DNM3: variants seen among roughly 807,000 people sequenced by gnomAD.
DNM3 encodes dynamin-3.
A neutral mutation model predicts 101.6 loss-of-function variants in DNM3; 47 were observed. That is an observed-to-expected ratio of 0.46 (90% confidence interval 0.37 to 0.59). The LOEUF (loss-of-function observed/expected upper bound fraction) is 0.59. DNM3 is among the 20% of genes least tolerant of loss of function. DNM3 has a pLI of 0.00. For synonymous variants in DNM3, 385 were observed against 387.9 expected, an observed-to-expected ratio of 0.99 and a Z score of 0.09; for missense variants, 849 against 1,085.7, an observed-to-expected ratio of 0.78 and a Z score of 3.06.
chr1:172,115,347 T>C (rs2055813862), intron 13 of DNM3, among the ~76,000 whole-genome samples: 1 of 152,140 alleles, frequency 6.6e-6, no homozygotes, highest in Non-Finnish European at 1.5e-5. Flanking sequence ...CAAAGCTCCA[T>C]CATCTCTCAC....
intron 2 of DNM3, among the ~76,000 whole-genome samples, chr1:171,956,783 C>T (rs1361163151): frequency 6.6e-6 from 1 of 152,216 alleles, no homozygotes; most frequent in East Asian, 1.9e-4. Flanking sequence ...CATTTCCATA[C>T]ATCCTCTGAA....
chr1:171,978,240 C>T (rs1313581441), intron 2 of DNM3, among the ~76,000 whole-genome samples: 1 of 151,844 alleles, frequency 6.6e-6, no homozygotes, highest in Non-Finnish European at 1.5e-5. Context: ...ACCATGTGCA[C>T]CGAAGAAAAA....
intron 13 of DNM3, among the ~76,000 whole-genome samples, chr1:172,125,771 A>T (rs1256632072): frequency 6.6e-6 from 1 of 152,222 alleles, no homozygotes; most frequent in Non-Finnish European, 1.5e-5. Flanking sequence ...TTGATATTCA[A>T]ATACTAAGAA....
intron 2 of DNM3, among the ~76,000 whole-genome samples, chr1:171,931,771 C>T (rs1367837433): frequency 6.6e-6 from 1 of 152,152 alleles, no homozygotes; most frequent in Admixed American, 6.5e-5. Context: ...CTTTAAATAT[C>T]TCACCTGGCA....
intron 14 of DNM3, among the ~76,000 whole-genome samples, chr1:172,218,441 G>A (rs1434328771): frequency 2.0e-5 from 3 of 151,870 alleles, no homozygotes; most frequent in East Asian, 3.9e-4. Context: ...GGTAATTTGT[G>A]GTTTCACTGT....
chr1:171,953,637 C>A (rs145603894), intron 2 of DNM3, among the ~76,000 whole-genome samples: 2 of 151,924 alleles, frequency 1.3e-5, no homozygotes, highest in African/African-American at 2.4e-5. Context: ...CCATATTGGC[C>A]AGGCTTGTCT....
At chr1:172,110,969 G>A (rs916680647) in intron 13 of DNM3, among the ~76,000 whole-genome samples, 1 of 152,184 alleles carries the variant, frequency 6.6e-6, no homozygotes, top group Non-Finnish European at 1.5e-5. Flanking sequence ...CGGGGAGATC[G>A]AGGTTGCAGT....
chr1:171,923,312 A>G (rs1400363978), intron 2 of DNM3, among the ~76,000 whole-genome samples: 1 of 152,186 alleles, frequency 6.6e-6, no homozygotes, highest in East Asian at 1.9e-4. Flanking sequence ...TGTATATATT[A>G]TTTAGATAAA....
intron 4 of DNM3, among the ~76,000 whole-genome samples, chr1:171,996,669 A>G (rs2046016251): frequency 1.3e-5 from 2 of 152,156 alleles, no homozygotes; most frequent in African/African-American, 4.8e-5. Flanking sequence ...AATCTCTAAA[A>G]TGAAATGAAA....
chr1:172,415,750 G>T (rs1047160903), downstream of DNM3, among the ~76,000 whole-genome samples: 1 of 151,826 alleles, frequency 6.6e-6, no homozygotes, highest in African/African-American at 2.4e-5. Context: ...GGCTGGTCTC[G>T]AACTCCTGAC....
chr1:171,947,246 G>A (rs1041383548), intron 2 of DNM3, among the ~76,000 whole-genome samples: 2 of 152,118 alleles, frequency 1.3e-5, no homozygotes, highest in Admixed American at 6.6e-5. Context: ...AGTGGGGGTT[G>A]GGGGCTGTCT....
intron 4 of DNM3, among the ~76,000 whole-genome samples, chr1:172,019,942 A>G (rs1173687377): frequency 6.6e-6 from 1 of 151,692 alleles, no homozygotes; most frequent in Non-Finnish European, 1.5e-5. Flanking sequence ...TCCCAGTCTG[A>G]TAACTCTAAC....
rs529816212 is a variant in DNM3 at position 172,289,070 on chromosome 1, A to G, written c.1770-19658A>G. Among the ~76,000 whole-genome samples the G allele has an allele frequency of 1.2e-4, 19 of 152,230 alleles. No homozygotes were observed. The South Asian group carries it at 3.7e-3, about 30-fold the overall frequency. ...TATATTGAAAAGTTTGTTCCTTTTAATACTAGCCCCAGGAGAAGCTCAAGG... is the reference window on the plus strand; with the variant it reads ...TATATTGAAAAGTTTGTTCCTTTTAGTACTAGCCCCAGGAGAAGCTCAAGG... On this transcript the variant is annotated intron_variant, in intron 15 of 20. Transcript: ENST00000627582.
At chr1:172,354,971 G>A (rs116331902) in intron 17 of DNM3, among the ~76,000 whole-genome samples, 12 of 152,270 alleles carry the variant, frequency 7.9e-5, no homozygotes, top group Non-Finnish European at 1.2e-4. Flanking sequence ...AATGAGGAAA[G>A]TTATTTGTCT....
intron 14 of DNM3, among the ~76,000 whole-genome samples, chr1:172,163,859 T>A (rs949533187): frequency 2.0e-5 from 3 of 150,964 alleles, no homozygotes; most frequent in African/African-American, 7.4e-5. Context: ...CATATGTATG[T>A]ATTTCATATG....
At chr1:172,347,268 A>T (rs192290689) in intron 17 of DNM3, among the ~76,000 whole-genome samples, 1 of 152,286 alleles carries the variant, frequency 6.6e-6, no homozygotes, top group East Asian at 1.9e-4. Context: ...TCCCCAAGAT[A>T]GAGTTCTAAG....
At chr1:172,285,628 T>C (rs1470375132) in intron 15 of DNM3, among the ~76,000 whole-genome samples, 1 of 152,178 alleles carries the variant, frequency 6.6e-6, no homozygotes, top group East Asian at 1.9e-4. Context: ...ATAAAACTTT[T>C]CAAAATCAGT....
At chr1:171,998,315 T>C (rs2046138419) in intron 4 of DNM3, among the ~76,000 whole-genome samples, 1 of 152,150 alleles carries the variant, frequency 6.6e-6, no homozygotes, top group South Asian at 2.1e-4. Flanking sequence ...AGATCAAATA[T>C]TGTGAATGCA....
intron 4 of DNM3, among the ~76,000 whole-genome samples, chr1:172,026,657 T>C (rs1292576790): frequency 3.3e-5 from 5 of 150,158 alleles, no homozygotes; most frequent in Non-Finnish European, 3.0e-5. Flanking sequence ...ATATTCAACA[T>C]GCTTTTTTTT....
Sources: gnomAD v4.1 joint callset for allele counts (sites outside exome capture counted in the v4.1 genomes callset) on GRCh38, gnomAD v4.1.1 for gene constraint, MANE v1.5 for transcripts, NCBI Gene and HGNC (gene_info 2026-07-23, HGNC 2026-07-21) for gene names.